RBFOX1: variants seen among roughly 807,000 people sequenced by gnomAD.
RBFOX1 encodes the protein RNA binding fox-1 homolog 1, also known as RNA binding protein fox-1 homolog 1.
A neutral mutation model predicts 57.7 loss-of-function variants in RBFOX1; 8 were observed. That is an observed-to-expected ratio of 0.14 (90% confidence interval 0.08 to 0.25). The LOEUF (loss-of-function observed/expected upper bound fraction) is 0.25. RBFOX1 is among the 10% of genes least tolerant of loss of function. The pLI, the probability that RBFOX1 is intolerant of heterozygous loss-of-function variation, is 1.00. For missense variants in RBFOX1, 611 were observed against 548.5 expected (o/e 1.11, Z -1.14); for synonymous variants, 326 against 222.4 (o/e 1.47, Z -4.15).
intron 3 of RBFOX1, among the ~76,000 whole-genome samples, chr16:6,873,415 C>G (rs2061296231): frequency 6.6e-6 from 1 of 152,106 alleles, no homozygotes; most frequent in Admixed American, 6.6e-5. Flanking sequence ...AGAAGAAGTG[C>G]TCACTATGAC....
At position 7,506,184 on chromosome 16, in the gene RBFOX1, C is replaced by CAAAAAAA. The variant is rs552568132; in HGVS notation, c.28-11936_28-11930dup. ...TGGGTGACAGAGCAAGACTCTGTCT[C>CAAAAAAA]AAAAAAAAAAAAAAAAAAAAAAAAA... On this transcript the variant is annotated intron_variant, in intron 4 of 15. Coordinates refer to ENST00000550418, the MANE Select transcript of RBFOX1 (RefSeq NM_018723.4). Among the ~76,000 whole-genome samples the CAAAAAAA allele has an allele frequency of 4.8e-4, 24 of 49,950 alleles. 3 individuals are homozygous for CAAAAAAA. The highest frequency in any genetic ancestry group is 1.5e-3 in the African/African-American group (20 of 13,606). 32.8% of individuals were successfully genotyped at this position (49,950 alleles called of 152,430 possible).
At chr16:5,628,603 C>T (rs2048411753) in intron 3 of RBFOX1, among the ~76,000 whole-genome samples, 2 of 152,192 alleles carry the variant, frequency 1.3e-5, no homozygotes, top group South Asian at 2.1e-4. Flanking sequence ...GCTCTGTCTT[C>T]ATCTGCAATA....
intron 3 of RBFOX1, among the ~76,000 whole-genome samples, chr16:6,900,439 C>G (rs371166239): frequency 2.0e-5 from 3 of 152,298 alleles, no homozygotes; most frequent in African/African-American, 7.2e-5. Flanking sequence ...TCTGCTCTCC[C>G]ACTTAAAACT....
At chr16:6,505,064 C>G (rs769974113) in intron 2 of RBFOX1, among the ~76,000 whole-genome samples, 2 of 152,084 alleles carry the variant, frequency 1.3e-5, no homozygotes, top group Admixed American at 1.3e-4. Flanking sequence ...CAGAGTGACA[C>G]TCCGTCTCAA....
chr16:7,128,203 A>G (rs2069128279), intron 4 of RBFOX1, among the ~76,000 whole-genome samples: 1 of 152,242 alleles, frequency 6.6e-6, no homozygotes, highest in Non-Finnish European at 1.5e-5. Flanking sequence ...CTTTCAAAGA[A>G]TAATAGCATG....
chr16:6,653,400 G>T (rs1297266162), intron 2 of RBFOX1, among the ~76,000 whole-genome samples: 1 of 152,136 alleles, frequency 6.6e-6, no homozygotes, highest in Non-Finnish European at 1.5e-5. Flanking sequence ...CCTAGTGCAA[G>T]GTCTAGCAGC....
At chr16:6,196,459 C>T (rs1415862205) in intron 1 of RBFOX1, among the ~76,000 whole-genome samples, 4 of 152,096 alleles carry the variant, frequency 2.6e-5, no homozygotes, top group Admixed American at 2.6e-4. Context: ...GCATGGGATA[C>T]AGTAGACAAT....
At chr16:7,301,539 C>A (rs187739131) in intron 4 of RBFOX1, among the ~76,000 whole-genome samples, 1 of 152,158 alleles carries the variant, frequency 6.6e-6, no homozygotes, top group Non-Finnish European at 1.5e-5. Flanking sequence ...GGGGAGAAAA[C>A]GGACTGGAAA....
At position 7,711,760 on chromosome 16, in the gene RBFOX1, G is replaced by A. The variant is rs1195042866; in HGVS notation, c.*1015G>A. 4 of 152,608 alleles carry A rather than the reference G, an allele frequency of 2.6e-5. No individual in the cohort carries two copies. The highest frequency in any genetic ancestry group is 9.7e-5 in the African/African-American group (4 of 41,450). The allele number at this position is 152,608 out of a possible 1,614,324, so 9.5% of individuals were successfully genotyped here. On this transcript the variant is annotated 3_prime_UTR_variant, in exon 16 of 16. Transcript: ENST00000550418. ...CCTAGTAGAACAACTGTTAGAGACA[G>A]ACGTATAATTTTTATGGAATTACAT... is the stretch of plus-strand genomic sequence containing the variant.
In RBFOX1 at chr16:6,416,446, C is replaced by G. The variant is rs192920962; in HGVS notation, c.-64+99389C>G. On this transcript the variant is annotated intron_variant, in intron 2 of 15. Coordinates refer to ENST00000550418, the MANE Select transcript of RBFOX1 (RefSeq NM_018723.4). ...TTTTTGCTTTTCTCCCCTCTAATTC[C>G]TTCCCTCCCTGCCTCCTCCTTCTCC... Among the ~76,000 whole-genome samples the G allele has an allele frequency of 3.3e-3, 500 of 152,248 alleles. 2 individuals carry two copies. Among genetic ancestry groups the G allele is most frequent in the Middle Eastern group, 6.8e-3 (2 of 294 alleles).
intron 4 of RBFOX1, among the ~76,000 whole-genome samples, chr16:7,240,420 G>GA (rs1160893162): frequency 3.3e-5 from 5 of 152,164 alleles, no homozygotes; most frequent in Non-Finnish European, 7.3e-5. Context: ...CAGTTTAAGG[G>GA]AAAATCTGCA....
chr16:7,197,139 G>A (rs2086902357), intron 4 of RBFOX1, among the ~76,000 whole-genome samples: 1 of 152,106 alleles, frequency 6.6e-6, no homozygotes, highest in Non-Finnish European at 1.5e-5. Flanking sequence ...TCTCCAATCT[G>A]TCCTTCATTC....
intron 3 of RBFOX1, among the ~76,000 whole-genome samples, chr16:6,800,669 C>A (rs755972057): frequency 2.6e-5 from 4 of 152,008 alleles, no homozygotes; most frequent in African/African-American, 4.8e-5. Flanking sequence ...AAATTTTTGC[C>A]TTTTAAATCA....
intron 4 of RBFOX1, among the ~76,000 whole-genome samples, chr16:7,077,417 C>T (rs1365592890): frequency 1.3e-5 from 2 of 152,182 alleles, no homozygotes; most frequent in Non-Finnish European, 2.9e-5. Context: ...GGTGAAGCTA[C>T]TACATTTATT....
At chr16:7,366,810 A>C (rs1418339717) in intron 4 of RBFOX1, among the ~76,000 whole-genome samples, 1 of 152,192 alleles carries the variant, frequency 6.6e-6, no homozygotes, top group African/African-American at 2.4e-5. Context: ...TTCCAGTGAA[A>C]GTACATTAGG....
chr16:7,306,170 T>G (rs1480791487), intron 4 of RBFOX1, among the ~76,000 whole-genome samples: 1 of 152,174 alleles, frequency 6.6e-6, no homozygotes. Context: ...GGTGTTTGTG[T>G]TTTTTTCAAA....
intron 2 of RBFOX1, among the ~76,000 whole-genome samples, chr16:6,569,771 T>C (rs2097318854): frequency 6.6e-6 from 1 of 152,178 alleles, no homozygotes; most frequent in South Asian, 2.1e-4. Context: ...CATACCTTCC[T>C]GAGTGGTTGG....
At chr16:5,472,941 G>C (rs1186862635) in intron 2 of RBFOX1, among the ~76,000 whole-genome samples, 2 of 152,108 alleles carry the variant, frequency 1.3e-5, no homozygotes. Flanking sequence ...AAGTCCCAAG[G>C]CTTCCCGTTG....
At chr16:6,261,654 G>A (rs1598928400) in intron 1 of RBFOX1, among the ~76,000 whole-genome samples, 1 of 69,206 alleles carries the variant, frequency 1.4e-5, no homozygotes, top group East Asian at 6.3e-4. Context: ...CAGCGAGGCT[G>A]TGAGTGACAG....
Sources: gnomAD v4.1 joint callset for allele counts (sites outside exome capture counted in the v4.1 genomes callset) on GRCh38, gnomAD v4.1.1 for gene constraint, MANE v1.5 for transcripts, NCBI Gene and HGNC (gene_info 2026-07-23, HGNC 2026-07-21) for gene names.